Variants in CHN2 observed in about 807,000 individuals in gnomAD.
CHN2 encodes the protein chimerin 2.
CHN2 carries 35 observed loss-of-function variants against 56.3 expected under a neutral mutation model. That is an observed-to-expected ratio of 0.62 (90% CI 0.47 to 0.82). CHN2 has a LOEUF of 0.82. Ranked by LOEUF, CHN2 falls within the 40% of genes least tolerant of loss-of-function variation. CHN2 has a pLI of 0.00. For missense variants in CHN2, 491 were observed against 580.5 expected (o/e 0.85, Z 1.58); for synonymous variants, 210 against 212.8 (o/e 0.99, Z 0.12).
chr7:29,354,475 T>C (rs1798132414), intron 1 of CHN2, 150 bp from the exon 2 acceptor site: 1 of 673,802 alleles, frequency 1.5e-6, no homozygotes. Flanking sequence ...CCCTCCCCTG[T>C]GTCTGGAACT....
chr7:29,297,725 C>A (rs1793301352), intron 1 of CHN2, among the ~76,000 whole-genome samples: 1 of 151,990 alleles, frequency 6.6e-6, no homozygotes, highest in Non-Finnish European at 1.5e-5. Context: ...CGAGCCCAGT[C>A]CTAAGCCAAC....
chr7:29,442,122 G>A (rs868750008), intron 6 of CHN2, among the ~76,000 whole-genome samples: 4 of 152,144 alleles, frequency 2.6e-5, no homozygotes, highest in Admixed American at 6.5e-5. Flanking sequence ...ATTCCGATAC[G>A]TGCTACAACA....
At chr7:29,345,595 G>A (rs1351546385) in intron 1 of CHN2, among the ~76,000 whole-genome samples, 3 of 152,154 alleles carry the variant, frequency 2.0e-5, no homozygotes, top group Admixed American at 6.5e-5. Flanking sequence ...AGGGCAAGAG[G>A]AGAGACAAAT....
At chr7:29,359,178 C>T (rs1798542916) in intron 2 of CHN2, among the ~76,000 whole-genome samples, 1 of 152,142 alleles carries the variant, frequency 6.6e-6, no homozygotes. Context: ...CTGCCCTAAA[C>T]CAATCAGGAC....
chr7:29,462,234 A>T (rs1430068719), intron 6 of CHN2, among the ~76,000 whole-genome samples: 3 of 152,222 alleles, frequency 2.0e-5, no homozygotes, highest in Admixed American at 2.0e-4. Flanking sequence ...CCTCAAGGAC[A>T]TTAGCTTTTT....
intron 3 of CHN2, among the ~76,000 whole-genome samples, chr7:29,385,078 C>T (rs1416729280): frequency 6.6e-6 from 1 of 152,164 alleles, no homozygotes; most frequent in Non-Finnish European, 1.5e-5. Flanking sequence ...ATCTTACTGA[C>T]ATTTTAGTCT....
rs1059183 is a variant in CHN2 at position 29,513,143 on chromosome 7, G to C, written c.*408G>C. On this transcript the variant is annotated 3_prime_UTR_variant, in exon 13 of 13. Transcript: ENST00000222792. ...AGAAGACAATTCTGTTAAATGAAACGTGTATCGTAAAATGTATTTTTATTT... is the reference window on the plus strand; with the variant it reads ...AGAAGACAATTCTGTTAAATGAAACCTGTATCGTAAAATGTATTTTTATTT... The C allele has an allele frequency of 0.88, 139,733 of 158,090 alleles. 61,918 individuals carry two copies. The highest frequency in any genetic ancestry group is 1 in the East Asian group (5,352 of 5,366). The allele number at this position is 158,090 out of a possible 1,614,324, so 9.8% of individuals were successfully genotyped here.
intron 6 of CHN2, among the ~76,000 whole-genome samples, chr7:29,475,105 G>T (rs780702842): frequency 1.4e-4 from 21 of 152,008 alleles, no homozygotes; most frequent in Non-Finnish European, 2.9e-5. Flanking sequence ...TTTCCTCCTT[G>T]TCTATATCTG....
chr7:29,172,779 T>C (rs1038881971), intron 2 of CHN2, among the ~76,000 whole-genome samples: 1 of 152,184 alleles, frequency 6.6e-6, no homozygotes, highest in Non-Finnish European at 1.5e-5. Flanking sequence ...TATAAAACTT[T>C]TTTTTTCAAC....
At chr7:29,188,642 A>G (rs1374362818) in intron 2 of CHN2, among the ~76,000 whole-genome samples, 2 of 152,100 alleles carry the variant, frequency 1.3e-5, no homozygotes, top group Admixed American at 1.3e-4. Flanking sequence ...AAGGCAGAGG[A>G]CATTCAGAGT....
In CHN2 at chr7:29,212,278, TC is replaced by T. The variant is rs944674186; in HGVS notation, c.49+17293del. On this transcript the variant is annotated intron_variant, in intron 1 of 12. Coordinates refer to ENST00000222792, the MANE Select transcript of CHN2 (RefSeq NM_004067.4). ...TTTCCAGTCCACCTCTTAAATTTTT[TC>T]CCCCTCTTCCTCAATACTAACATGA... The T allele has an allele frequency of 2.9e-6, 3 of 1,034,668 alleles. No individual in the cohort carries two copies. The African/African-American group carries it at 4.8e-5, about 16-fold the overall frequency. The allele number at this position is 1,034,668 out of a possible 1,614,324, so 64.1% of individuals were successfully genotyped here.
At chr7:29,188,791 A>G (rs1427033620) in intron 2 of CHN2, among the ~76,000 whole-genome samples, 1 of 152,212 alleles carries the variant, frequency 6.6e-6, no homozygotes, top group Admixed American at 6.5e-5. Flanking sequence ...CTGAAAAGAA[A>G]GTCGTCACCG....
intron 2 of CHN2, among the ~76,000 whole-genome samples, chr7:29,169,569 A>AC (rs1796334082): frequency 6.6e-6 from 1 of 152,210 alleles, no homozygotes; most frequent in Non-Finnish European, 1.5e-5. Context: ...CTGACGGTGT[A>AC]CTGAAGAGTA....
intron 6 of CHN2, among the ~76,000 whole-genome samples, chr7:29,413,023 C>A (rs2128098899): frequency 6.6e-6 from 1 of 152,186 alleles, no homozygotes; most frequent in Non-Finnish European, 1.5e-5. Context: ...GCCTCTGGAC[C>A]AGGTTGCAGA....
At chr7:29,328,756 A>C (rs1402621792) in intron 1 of CHN2, among the ~76,000 whole-genome samples, 1 of 152,128 alleles carries the variant, frequency 6.6e-6, no homozygotes, top group Non-Finnish European at 1.5e-5. Context: ...TCAGGTAAAC[A>C]CGGTTGTTTC....
intron 2 of CHN2, among the ~76,000 whole-genome samples, chr7:29,176,988 G>T (rs764441303): frequency 1.5e-4 from 22 of 151,346 alleles, no homozygotes; most frequent in Non-Finnish European, 2.5e-4. Context: ...AAATGGGAAT[G>T]AAAAAAAATC....
chr7:29,189,360 G>A (rs1799119466), intron 2 of CHN2, among the ~76,000 whole-genome samples: 1 of 152,074 alleles, frequency 6.6e-6, no homozygotes. Context: ...AAATGAACAG[G>A]TAGTAGAGAA....
intron 1 of CHN2, among the ~76,000 whole-genome samples, chr7:29,302,786 C>T (rs1793799461): frequency 6.6e-6 from 1 of 152,192 alleles, no homozygotes; most frequent in Non-Finnish European, 1.5e-5. Flanking sequence ...CAGAACCTGG[C>T]AGCCACCATT....
At chr7:29,503,850 G>C (rs947789462) in intron 9 of CHN2, among the ~76,000 whole-genome samples, 7 of 152,218 alleles carry the variant, frequency 4.6e-5, no homozygotes, top group African/African-American at 7.2e-5. Context: ...TTTGATAGCA[G>C]CTAGTTTGTG....
Sources: gnomAD v4.1 joint callset for allele counts (sites outside exome capture counted in the v4.1 genomes callset) on GRCh38, gnomAD v4.1.1 for gene constraint, MANE v1.5 for transcripts, NCBI Gene and HGNC (gene_info 2026-07-23, HGNC 2026-07-21) for gene names.